Variants in PTPRK observed in about 807,000 individuals in gnomAD.
PTPRK encodes receptor-type tyrosine-protein phosphatase kappa.
PTPRK carries 75 observed loss-of-function variants against 178.0 expected under a neutral mutation model. The observed-to-expected ratio is 0.42, with a 90% CI of 0.35 to 0.51. The LOEUF is 0.51. Among genes scored for constraint, PTPRK ranks in the 20% least tolerant of loss-of-function variants. The probability of loss-of-function intolerance (pLI) is 0.02; values close to 1 mark genes in which losing one functional copy is unlikely to be tolerated. For synonymous variants in PTPRK, 637 were observed against 620.6 expected, an observed-to-expected ratio of 1.03 and a Z score of -0.39; for missense variants, 1,441 against 1,797.8, an observed-to-expected ratio of 0.80 and a Z score of 3.59.
intron 1 of PTPRK, among the ~76,000 whole-genome samples, chr6:128,456,288 A>G (rs940214431): frequency 6.6e-6 from 1 of 152,112 alleles, no homozygotes; most frequent in Admixed American, 6.6e-5. Flanking sequence ...TTCACATTCC[A>G]GCCAGGGAGG....
intron 1 of PTPRK, among the ~76,000 whole-genome samples, chr6:128,415,014 C>A (rs1461218155): frequency 2.0e-5 from 3 of 152,138 alleles, no homozygotes. Context: ...AATTGGTGAA[C>A]TGAAACATGT....
chr6:128,055,883 G>C (rs916986862), intron 13 of PTPRK, among the ~76,000 whole-genome samples: 2 of 152,068 alleles, frequency 1.3e-5, no homozygotes, highest in Non-Finnish European at 2.9e-5. Context: ...TTACAGGCAT[G>C]AGCCACCATG....
chr6:128,131,617 G>T (rs1348071736), intron 7 of PTPRK, among the ~76,000 whole-genome samples: 1 of 152,196 alleles, frequency 6.6e-6, no homozygotes, highest in East Asian at 1.9e-4. Context: ...CTGACCAGAA[G>T]TAAAATTAGG....
At chr6:128,280,259 A>C (rs1821458496) in intron 3 of PTPRK, among the ~76,000 whole-genome samples, 2 of 152,110 alleles carry the variant, frequency 1.3e-5, no homozygotes. Context: ...AGGACCTGTA[A>C]AGTTAGGGAC....
At chr6:128,229,588 A>C (rs1811958491) in intron 5 of PTPRK, among the ~76,000 whole-genome samples, 1 of 152,186 alleles carries the variant, frequency 6.6e-6, no homozygotes, top group Non-Finnish European at 1.5e-5. Flanking sequence ...CAGAGGAGAA[A>C]GTGAAACATC....
At chr6:128,243,051 T>C (rs1414285665) in intron 3 of PTPRK, among the ~76,000 whole-genome samples, 1 of 152,112 alleles carries the variant, frequency 6.6e-6, no homozygotes, top group African/African-American at 2.4e-5. Context: ...CAAGGATGAG[T>C]GTCAACCAAC....
chr6:128,456,340 C>T (rs556228393), intron 1 of PTPRK, among the ~76,000 whole-genome samples: 1 of 151,882 alleles, frequency 6.6e-6, no homozygotes, highest in African/African-American at 2.4e-5. Context: ...AGCCTTATGA[C>T]AAGTTACAAA....
intron 4 of PTPRK, among the ~76,000 whole-genome samples, chr6:128,241,801 G>A (rs1345951559): frequency 2.2e-5 from 3 of 138,122 alleles, no homozygotes; most frequent in African/African-American, 8.3e-5. Flanking sequence ...TTTTTTTTGA[G>A]ACGGAGTCTT....
intron 7 of PTPRK, among the ~76,000 whole-genome samples, chr6:128,146,838 A>G (rs1796572786): frequency 6.6e-6 from 1 of 152,180 alleles, no homozygotes; most frequent in Non-Finnish European, 1.5e-5. Context: ...TCAAGGTACA[A>G]AATTAATACT....
intron 27 of PTPRK, among the ~76,000 whole-genome samples, chr6:127,975,800 T>C (rs1774499027): frequency 6.6e-6 from 1 of 152,114 alleles, no homozygotes; most frequent in South Asian, 2.1e-4. Context: ...GCCTCCCCAC[T>C]AGCTGGGACT....
intron 13 of PTPRK, among the ~76,000 whole-genome samples, chr6:128,040,964 C>T (rs1291099265): frequency 3.3e-5 from 5 of 152,046 alleles, no homozygotes; most frequent in South Asian, 4.1e-4. Context: ...TAGAACTATG[C>T]TGATGTTTGG....
intron 8 of PTPRK, among the ~76,000 whole-genome samples, chr6:128,089,466 G>C (rs1786543421): frequency 2.0e-5 from 3 of 152,282 alleles, no homozygotes; most frequent in Middle Eastern, 3.4e-3. Context: ...TTCTGTGTAA[G>C]AAGAGAGGAC....
At chr6:128,433,315 C>T (rs1845080607) in intron 1 of PTPRK, among the ~76,000 whole-genome samples, 1 of 152,078 alleles carries the variant, frequency 6.6e-6, no homozygotes, top group South Asian at 2.1e-4. Flanking sequence ...AATTATCATT[C>T]TACTCTCTAC....
chr6:128,231,572 C>T (rs1489004026), intron 5 of PTPRK, among the ~76,000 whole-genome samples: 1 of 152,142 alleles, frequency 6.6e-6, no homozygotes, highest in Admixed American at 6.5e-5. Flanking sequence ...GATTAATTCT[C>T]CTCAGTGACA....
At chr6:128,019,996 G>A (rs1349738487) in intron 13 of PTPRK, among the ~76,000 whole-genome samples, 1 of 152,070 alleles carries the variant, frequency 6.6e-6, no homozygotes, top group Non-Finnish European at 1.5e-5. Flanking sequence ...CAGTGGTTAT[G>A]GAGTTGTTTC....
chr6:128,016,946 T>G (rs1779658043), intron 13 of PTPRK, among the ~76,000 whole-genome samples: 2 of 152,050 alleles, frequency 1.3e-5, no homozygotes, highest in Admixed American at 1.3e-4. Flanking sequence ...AAACATATTA[T>G]TCTGTGCTGA....
chr6:128,459,980 G>A (rs930862327), intron 1 of PTPRK, among the ~76,000 whole-genome samples: 1 of 152,040 alleles, frequency 6.6e-6, no homozygotes, highest in Non-Finnish European at 1.5e-5. Flanking sequence ...AAAGAAGTGG[G>A]GAGGTACCAC....
At chr6:128,067,925 G>T in intron 11 of PTPRK, 133 bp from the exon 12 acceptor site, 2 of 843,692 alleles carry the variant, frequency 2.4e-6, no homozygotes, top group Non-Finnish European at 3.3e-6. Flanking sequence ...GTCTTAACCT[G>T]GTATACTCTT....
chr6:128,510,536 T>C (rs139588525), intron 1 of PTPRK, among the ~76,000 whole-genome samples: 22 of 152,326 alleles, frequency 1.4e-4, no homozygotes, highest in African/African-American at 5.1e-4. Context: ...GTAGAGTTAG[T>C]AGGTTTTGTC....
Sources: gnomAD v4.1 joint callset for allele counts (sites outside exome capture counted in the v4.1 genomes callset) on GRCh38, gnomAD v4.1.1 for gene constraint, MANE v1.5 for transcripts, NCBI Gene and HGNC (gene_info 2026-07-23, HGNC 2026-07-21) for gene names.